Variants in ST3GAL6 observed in about 807,000 individuals in gnomAD.
The protein encoded by ST3GAL6 is ST3 beta-galactoside alpha-2,3-sialyltransferase 6, also known as type 2 lactosamine alpha-2,3-sialyltransferase.
Under a neutral mutation model 40.5 loss-of-function variants are expected in ST3GAL6, and 31 were observed. That is an observed-to-expected ratio of 0.77 (90% CI 0.58 to 1.03). The LOEUF (loss-of-function observed/expected upper bound fraction) is 1.03, where lower values mean the gene tolerates loss of function less well. Among genes scored for constraint, ST3GAL6 ranks in the 50% least tolerant of loss-of-function variants. ST3GAL6 has a pLI of 0.00. For missense variants in ST3GAL6, 357 were observed against 393.2 expected, an observed-to-expected ratio of 0.91 and a Z score of 0.78; for synonymous variants, 129 against 136.9, an observed-to-expected ratio of 0.94 and a Z score of 0.40.
At position 98,793,742 on chromosome 3, in the gene ST3GAL6, T is replaced by G; in HGVS notation, c.977T>G (p.Ile326Ser). The G allele has an allele frequency of 6.2e-7, 1 of 1,601,454 alleles. No homozygotes were observed. Among genetic ancestry groups the G allele is most frequent in the Non-Finnish European group, 8.5e-7 (1 of 1,173,824 alleles). ...LKDIIEKNLVINLTQD is the reference protein window; with the variant it reads ...LKDIIEKNLVSNLTQD Reference sequence around the variant, plus strand: ...GACATTATAGAAAAAAACCTCGTAATCAACTTGACTCAAGATTGACTCTAC... The same window carrying G: ...GACATTATAGAAAAAAACCTCGTAAGCAACTTGACTCAAGATTGACTCTAC... The change falls in exon 10 of 10, where the codon ATC becomes AGC. Residue 326 changes from isoleucine to serine, a missense_variant. By Grantham distance (142) the Ile-to-Ser change is moderately radical (BLOSUM62 -2). Transcript: ENST00000483910.
chr3:98,781,831 C>A (rs1191051584), intron 5 of ST3GAL6, among the ~76,000 whole-genome samples: 2 of 152,196 alleles, frequency 1.3e-5, no homozygotes, highest in Non-Finnish European at 2.9e-5. Context: ...ATGGGAACAG[C>A]TGTTATTTCA....
rs369525016 is a variant in ST3GAL6, at chr3:98,788,020, G to A, written c.432-16G>A. ...TGCACTTGGTCTACATATCTTGTAT[G>A]TTTTACTATCCACAGAATGAATAAT... is the stretch of plus-strand genomic sequence containing the variant. On this transcript the variant is annotated splice_polypyrimidine_tract_variant and intron_variant, in intron 6 of 9. Transcript: ENST00000483910. 7.5e-6 allele frequency: 12 copies of A among 1,606,624 alleles called. No individual in the cohort carries two copies. The highest frequency in any genetic ancestry group is 1.3e-5 in the African/African-American group (1 of 74,762).
chr3:98,732,562 C>T (rs2107223002), intron 1 of ST3GAL6: 2 of 330,300 alleles, frequency 6.1e-6, no homozygotes, highest in South Asian at 6.8e-5. Context: ...CCCGCCTGGT[C>T]CCCAACGCCT....
rs546740596 is a variant in ST3GAL6, at chr3:98,735,975, CAGGCTAAGAAGTG to C, written c.-12+3444_-12+3456del. Among the ~76,000 whole-genome samples, 1,273 of 152,270 alleles carry C rather than the reference CAGGCTAAGAAGTG, an allele frequency of 8.4e-3. 13 individuals carry two copies. Among genetic ancestry groups the C allele is most frequent in the South Asian group, 0.022 (108 of 4,818 alleles). ...GTCAGGAACTTGACTGTCGTATAATCAGGCTAAGAAGTGCTGAGATTCTGGCAGTGAGGTTATG... is the reference window on the plus strand; with the variant it reads ...GTCAGGAACTTGACTGTCGTATAATCCTGAGATTCTGGCAGTGAGGTTATG... On this transcript the variant is annotated intron_variant, in intron 1 of 9. Coordinates refer to the ST3GAL6 transcript ENST00000265261.
intron 1 of ST3GAL6, among the ~76,000 whole-genome samples, chr3:98,738,891 G>A (rs11923134): frequency 8.6e-5 from 13 of 151,860 alleles, no homozygotes; most frequent in African/African-American, 3.1e-4. Context: ...CAAAATGACA[G>A]AATATACATT....
chr3:98,741,772 T>G (rs1474898352), intron 1 of ST3GAL6, among the ~76,000 whole-genome samples: 1 of 152,184 alleles, frequency 6.6e-6, no homozygotes, highest in Non-Finnish European at 1.5e-5. Context: ...TGTAATACAT[T>G]CCTTCCAATT....
intron 1 of ST3GAL6, among the ~76,000 whole-genome samples, chr3:98,755,278 C>G (rs1292456999): frequency 6.6e-6 from 1 of 151,968 alleles, no homozygotes; most frequent in Non-Finnish European, 1.5e-5. Flanking sequence ...GATCTCCTGA[C>G]CTCGTGATCC....
At chr3:98,770,347 T>C (rs547639358) in intron 2 of ST3GAL6, 2 of 153,712 alleles carry the variant, frequency 1.3e-5, no homozygotes, top group African/African-American at 2.4e-5. Flanking sequence ...GCCTAACTTA[T>C]GCCAAGAATA....
At position 98,766,405 on chromosome 3, in the gene ST3GAL6, C is replaced by CTTTTTTTTTT. The variant is rs369996406; in HGVS notation, c.-11-2002_-11-1993dup. 1.1e-3 allele frequency among the ~76,000 whole-genome samples: 112 copies of CTTTTTTTTTT among 104,100 alleles called. 17 individuals carry two copies. Among genetic ancestry groups the CTTTTTTTTTT allele is most frequent in the African/African-American group, 4.1e-3 (99 of 24,414 alleles). The allele number at this position is 104,100 out of a possible 152,430, so 68.3% of individuals were successfully genotyped here. On this transcript the variant is annotated intron_variant, in intron 1 of 9. Transcript: ENST00000483910. ...GTTGGATCTTTGCATAAATGTCATT[C>CTTTTTTTTTT]TTTTTTTTTTTTTTTTTTTTTTTTT... is the stretch of plus-strand genomic sequence containing the variant.
chr3:98,778,599 A>C (rs2107255496), intron 5 of ST3GAL6, among the ~76,000 whole-genome samples: 1 of 152,314 alleles, frequency 6.6e-6, no homozygotes, highest in South Asian at 2.1e-4. Flanking sequence ...ATGTTGGGTA[A>C]AGGTATAGAA....
chr3:98,732,554 C>T (rs911272988), intron 1 of ST3GAL6: 1 of 313,894 alleles, frequency 3.2e-6, no homozygotes, highest in Non-Finnish European at 5.9e-6. Context: ...GCTGTGCTCC[C>T]GCCTGGTCCC....
intron 2 of ST3GAL6, 74 bp downstream of exon 2, chr3:98,768,603 G>A: frequency 8.9e-7 from 1 of 1,119,420 alleles, no homozygotes; most frequent in Middle Eastern, 2.0e-4. Flanking sequence ...TATAGTAGAG[G>A]GTCCTATGAA....
intron 8 of ST3GAL6, 144 bp from the exon 9 acceptor site, chr3:98,791,697 T>A: frequency 1.4e-6 from 1 of 713,982 alleles, no homozygotes; most frequent in East Asian, 2.6e-5. Context: ...CTTTGGGGCT[T>A]GAGCCTTATA....
intron 1 of ST3GAL6, among the ~76,000 whole-genome samples, chr3:98,767,169 A>G (rs951727934): frequency 6.6e-6 from 1 of 152,072 alleles, no homozygotes; most frequent in South Asian, 2.1e-4. Context: ...GTGAAAAGCA[A>G]CTCAACCAGA....
chr3:98,770,426 A>C (rs556705247), intron 2 of ST3GAL6: 1 of 163,620 alleles, frequency 6.1e-6, no homozygotes, highest in East Asian at 1.8e-4. Context: ...GCAAGGGTCT[A>C]TGGAACCTGT....
chr3:98,755,278 C>T (rs1292456999), intron 1 of ST3GAL6, among the ~76,000 whole-genome samples: 2 of 151,968 alleles, frequency 1.3e-5, no homozygotes, highest in African/African-American at 4.8e-5. Context: ...GATCTCCTGA[C>T]CTCGTGATCC....
chr3:98,786,955 AGTGTGTGTGT>A (rs60592978), intron 6 of ST3GAL6, among the ~76,000 whole-genome samples: 1 of 147,474 alleles, frequency 6.8e-6, no homozygotes, highest in South Asian at 2.2e-4. Flanking sequence ...ATCTGGGATA[AGTGTGTGTGT>A]GTGTGTGTGT....
chr3:98,772,715 A>C, intron 3 of ST3GAL6, 98 bp from the exon 4 acceptor site: 1 of 733,670 alleles, frequency 1.4e-6, no homozygotes, highest in Non-Finnish European at 2.4e-6. Flanking sequence ...CAGTATAATG[A>C]TATGGATTAT....
intron 1 of ST3GAL6, among the ~76,000 whole-genome samples, chr3:98,738,306 C>G (rs1052821335): frequency 2.6e-5 from 4 of 151,702 alleles, no homozygotes; most frequent in Non-Finnish European, 5.9e-5. Flanking sequence ...TAGGGTCTCA[C>G]TCTGTTGAAC....
Sources: allele counts gnomAD v4.1 joint callset (sites outside exome capture counted in the v4.1 genomes callset), GRCh38; gene constraint gnomAD v4.1.1; transcripts MANE v1.5; gene names NCBI Gene and HGNC (gene_info 2026-07-23, HGNC 2026-07-21).